Variants in C11orf97 observed in about 807,000 individuals in gnomAD.
The protein encoded by C11orf97 is uncharacterized protein C11orf97.
A neutral mutation model predicts 16.2 loss-of-function variants in C11orf97; 15 were observed. The observed-to-expected ratio is 0.93, with a 90% CI of 0.62 to 1.43. The LOEUF (loss-of-function observed/expected upper bound fraction) is 1.43, where lower values mean the gene tolerates loss of function less well. C11orf97 is among the 40% of genes most tolerant of loss of function. C11orf97 has a pLI of 0.00. For missense variants in C11orf97, 171 were observed against 161.2 expected (o/e 1.06, Z -0.33); for synonymous variants, 61 against 65.7 (o/e 0.93, Z 0.34).
At chr11:94,522,711 A>G (rs1025502176) in intron 2 of C11orf97, among the ~76,000 whole-genome samples, 4 of 152,170 alleles carry the variant, frequency 2.6e-5, no homozygotes, top group Non-Finnish European at 5.9e-5. Flanking sequence ...TGTGAGGGGT[A>G]CCTTAGTTTG....
At chr11:94,520,898 G>C (rs1156876330) in intron 2 of C11orf97, among the ~76,000 whole-genome samples, 1 of 152,146 alleles carries the variant, frequency 6.6e-6, no homozygotes, top group Non-Finnish European at 1.5e-5. Flanking sequence ...GCTTAAAGTT[G>C]TCTGATGGCT....
intron 2 of C11orf97, among the ~76,000 whole-genome samples, chr11:94,525,036 A>G (rs1947689010): frequency 6.6e-6 from 1 of 151,112 alleles, no homozygotes; most frequent in South Asian, 2.1e-4. Context: ...TTCAGCTTGG[A>G]TGATGGAGCA....
chr11:94,515,785 C>A lies in C11orf97; in HGVS notation c.146-1798C>A, dbSNP rs535996681. 5.2e-4 allele frequency among the ~76,000 whole-genome samples: 79 copies of A among 151,982 alleles called. No homozygotes were observed. The South Asian group carries it at 6.5e-3, about 12-fold the overall frequency. On this transcript the variant is annotated intron_variant, in intron 1 of 3. Transcript: ENST00000542198. Reference sequence around the variant, plus strand: ...CTTCTCCTGAGCAGGAGATATTTACCCGTACTAGCTCCTTAGTACTCTCCC... The same window carrying A: ...CTTCTCCTGAGCAGGAGATATTTACACGTACTAGCTCCTTAGTACTCTCCC...
chr11:94,520,459 T>C (rs936433973), intron 2 of C11orf97, among the ~76,000 whole-genome samples: 4 of 152,216 alleles, frequency 2.6e-5, no homozygotes, highest in South Asian at 2.1e-4. Context: ...TCTAGCCCTA[T>C]TGGGCTAATG....
chr11:94,517,822 A>C, intron 2 of C11orf97, 135 bp downstream of exon 2: 1 of 617,720 alleles, frequency 1.6e-6, no homozygotes, highest in Non-Finnish European at 2.6e-6. Context: ...GTTTATAATT[A>C]ATTTGCTTAT....
intron 2 of C11orf97, among the ~76,000 whole-genome samples, chr11:94,519,438 T>C (rs1947639221): frequency 1.0e-5 from 1 of 99,666 alleles, no homozygotes; most frequent in Admixed American, 8.8e-5. Context: ...CATTTTTTTC[T>C]AAGTCTATAC....
At position 94,517,678 on chromosome 11, in the gene C11orf97, C is replaced by A; in HGVS notation, c.241C>A (p.Pro81Thr). The A allele has an allele frequency of 1.3e-6, 2 of 1,522,778 alleles. No homozygotes were observed. Among genetic ancestry groups the A allele is most frequent in the South Asian group, 2.5e-5 (2 of 81,194 alleles). The allele number at this position is 1,522,778 out of a possible 1,614,324, so 94.3% of individuals were successfully genotyped here. ...GAGAGATGAATGCCACATTAAAAAT[C>A]CAGCTGCAGGTAATCTCAGTGACAA... ...IKRDECHIKN[P>T]AAVALEGIWS... Residue 81 changes from proline to threonine, a missense_variant, in exon 2 of 4, where the codon CCA becomes ACA. Coordinates refer to ENST00000542198, the MANE Select transcript of C11orf97 (RefSeq NM_001190462.2).
At chr11:94,527,343 C>G (rs1463475695) in intron 2 of C11orf97, among the ~76,000 whole-genome samples, 1 of 152,182 alleles carries the variant, frequency 6.6e-6, no homozygotes, top group Non-Finnish European at 1.5e-5. Context: ...GGCAACTCAC[C>G]CAAATTCACC....
intron 3 of C11orf97, among the ~76,000 whole-genome samples, 173 bp downstream of exon 3, chr11:94,528,382 C>A (rs1192367455): frequency 1.3e-5 from 2 of 152,200 alleles, no homozygotes; most frequent in Non-Finnish European, 2.9e-5. Flanking sequence ...GGAACTCAAA[C>A]CGTAACAATT....
rs549036075 is a variant in C11orf97 at position 94,524,387 on chromosome 11, A to C, written c.251-3697A>C. 2.2e-3 allele frequency among the ~76,000 whole-genome samples: 335 copies of C among 152,226 alleles called. 1 individual carries two copies. The highest frequency in any genetic ancestry group is 7.6e-3 in the African/African-American group (315 of 41,540). On this transcript the variant is annotated intron_variant, in intron 2 of 3. Transcript: ENST00000542198. The stretch of plus-strand genomic sequence containing the variant: ...TAAGATTATGCCTTCGGAGAGGAAC[A>C]GAGATTTGAAATTGATTTAGTAGCA...
intron 1 of C11orf97, 64 bp from the exon 2 acceptor site, chr11:94,517,519 T>A: frequency 1.1e-6 from 1 of 931,780 alleles, no homozygotes; most frequent in Admixed American, 3.0e-5. Context: ...ATCATGTAGA[T>A]ATAATGGCTA....
intron 3 of C11orf97, among the ~76,000 whole-genome samples, chr11:94,530,722 C>T (rs1947732734): frequency 1.3e-5 from 2 of 152,214 alleles, no homozygotes; most frequent in South Asian, 4.1e-4. Context: ...TCACATACAT[C>T]CCCTGCTCCC....
intron 1 of C11orf97, among the ~76,000 whole-genome samples, chr11:94,514,640 C>CTTTTTTT (rs10562282): frequency 1.2e-5 from 1 of 82,468 alleles, no homozygotes; most frequent in Non-Finnish European, 2.4e-5. Flanking sequence ...TTATTTTTGC[C>CTTTTTTT]TTTTTTTTTT....
Position 94,512,689 on chromosome 11 carries a change from G to A in C11orf97, c.145+16G>A, listed in dbSNP as rs1947579140. 21 of 1,236,656 alleles carry A rather than the reference G, an allele frequency of 1.7e-5. No individual in the cohort carries two copies. Among genetic ancestry groups the A allele is most frequent in the Non-Finnish European group, 2.1e-5 (21 of 989,958 alleles). 76.6% of individuals were successfully genotyped at this position (1,236,656 alleles called of 1,614,324 possible). A position where few individuals can be genotyped will look rare whatever the true frequency, so the allele number is the denominator to read the frequency against. On this transcript the variant is annotated intron_variant, in intron 1 of 3. Coordinates refer to ENST00000542198, the MANE Select transcript of C11orf97 (RefSeq NM_001190462.2). ...GGCCAGCAGTGTGAGTTCAGCTCCAGCCGCGGACGCTACTGGGAGGAGGGG... is the reference window on the plus strand; with the variant it reads ...GGCCAGCAGTGTGAGTTCAGCTCCAACCGCGGACGCTACTGGGAGGAGGGG...
At chr11:94,519,010 G>C (rs569221169) in intron 2 of C11orf97, among the ~76,000 whole-genome samples, 1 of 152,090 alleles carries the variant, frequency 6.6e-6, no homozygotes, top group South Asian at 2.1e-4. Flanking sequence ...CTGGGTTCAA[G>C]CGATTCTTCT....
At chr11:94,515,301 AAACAAAAAAC>A (rs1414177649) in intron 1 of C11orf97, among the ~76,000 whole-genome samples, 3 of 151,960 alleles carry the variant, frequency 2.0e-5, no homozygotes, top group Non-Finnish European at 4.4e-5. Context: ...TCAGGAAAAA[AAACAAAAAAC>A]AACAAAAAAA....
intron 2 of C11orf97, among the ~76,000 whole-genome samples, chr11:94,518,149 GA>G (rs370762855): frequency 0.01 from 1,130 of 108,918 alleles, 24 homozygotes; most frequent in African/African-American, 0.034. Flanking sequence ...CTCCATATCA[GA>G]AAAAAAAAAA....
intron 2 of C11orf97, among the ~76,000 whole-genome samples, chr11:94,521,442 A>C (rs1371083177): frequency 2.6e-5 from 4 of 152,242 alleles, no homozygotes; most frequent in Non-Finnish European, 5.9e-5. Context: ...TTCTAATGTA[A>C]GTGTTCTGAG....
At chr11:94,519,921 C>T (rs1194319343) in intron 2 of C11orf97, among the ~76,000 whole-genome samples, 2 of 152,338 alleles carry the variant, frequency 1.3e-5, no homozygotes, top group Middle Eastern at 3.4e-3. Flanking sequence ...GCTTCTAATT[C>T]GGTTTGCAGT....
Sources: allele counts gnomAD v4.1 joint callset (sites outside exome capture counted in the v4.1 genomes callset), GRCh38; gene constraint gnomAD v4.1.1; transcripts MANE v1.5; gene names NCBI Gene and HGNC (gene_info 2026-07-23, HGNC 2026-07-21).